Variants in CRISP1 observed in about 807,000 individuals in gnomAD.
CRISP1 encodes the protein cysteine-rich secretory protein 1.
Under a neutral mutation model 33.1 loss-of-function variants are expected in CRISP1, and 44 were observed. That is an observed-to-expected ratio of 1.33 (90% CI 1.05 to 1.71). The LOEUF (loss-of-function observed/expected upper bound fraction) is 1.71, where lower values mean the gene tolerates loss of function less well. Ranked by LOEUF, CRISP1 falls within the 40% of genes most tolerant of loss-of-function variation. The pLI, the probability that CRISP1 is intolerant of heterozygous loss-of-function variation, is 0.00. For missense variants in CRISP1, 390 were observed against 301.2 expected, an observed-to-expected ratio of 1.29 and a Z score of -2.18; for synonymous variants, 103 against 98.7, an observed-to-expected ratio of 1.04 and a Z score of -0.26.
At chr6:49,859,616 C>T (rs1771592266) in intron 1 of CRISP1, among the ~76,000 whole-genome samples, 2 of 151,874 alleles carry the variant, frequency 1.3e-5, no homozygotes, top group Non-Finnish European at 2.9e-5. Context: ...GTATTAAACC[C>T]ACTGGTAGAG....
At chr6:49,868,481 AT>A (rs1771850867), upstream of CRISP1, among the ~76,000 whole-genome samples, 1 of 152,194 alleles carries the variant, frequency 6.6e-6, no homozygotes, top group African/African-American at 2.4e-5. Context: ...GAATATATCC[AT>A]TTTTAAAAGA....
chr6:49,835,471 C>G (rs1005070898), intron 7 of CRISP1, 28 bp from the exon 8 acceptor site: 3 of 1,603,758 alleles, frequency 1.9e-6, no homozygotes, highest in Non-Finnish European at 2.6e-6. Flanking sequence ...GGTTTTACAA[C>G]ACAGTCTTTT....
chr6:49,857,340 T>C lies in CRISP1; in HGVS notation c.61A>G (p.Met21Val), dbSNP rs758721480. 6.2e-7 allele frequency: 1 copy of C among 1,612,806 alleles called. No homozygotes were observed. Among genetic ancestry groups the C allele is most frequent in the Non-Finnish European group, 8.5e-7 (1 of 1,179,112 alleles). The change falls in exon 2 of 8, where the codon ATG becomes GTG. Residue 21 changes from methionine to valine, a missense_variant. Physicochemically the swap from Met to Val is conservative, Grantham distance 21. Coordinates refer to ENST00000335847, the MANE Select transcript of CRISP1 (RefSeq NM_001131.3). ...AACATCCAACCCTCACATACTTTCA[T>C]GGACAACATAGGCAGTAAGCAAGCA... is the stretch of plus-strand genomic sequence containing the variant. ...AAACLLPMLSMKKKSARDQFN... is the reference protein window; with the variant it reads ...AAACLLPMLSVKKKSARDQFN...
upstream of CRISP1, among the ~76,000 whole-genome samples, chr6:49,870,598 G>A (rs72863152): frequency 0.016 from 2,384 of 152,192 alleles, 20 homozygotes; most frequent in Non-Finnish European, 0.025. Flanking sequence ...GGTCAAGAGA[G>A]CCTGTTAATA....
chr6:49,855,079 G>A (rs1482348699), intron 2 of CRISP1, among the ~76,000 whole-genome samples: 1 of 151,998 alleles, frequency 6.6e-6, no homozygotes, highest in African/African-American at 2.4e-5. Flanking sequence ...TTTCAGTGTA[G>A]AAATACTCTT....
At position 49,835,341 on chromosome 6, in the gene CRISP1, C is replaced by T. The variant is rs1383670271; in HGVS notation, c.725G>A (p.Cys242Tyr). The T allele has an allele frequency of 6.2e-7, 1 of 1,613,768 alleles. No homozygotes were observed. Residue 242 changes from cysteine to tyrosine, a missense_variant, in exon 8 of 8, where the codon TGT (cysteine) becomes TAT (tyrosine). Cys to Tyr is a radical substitution (Grantham distance 194). Transcript: ENST00000335847. ...CTATTTTATCTCAGTGTCACACAGA[C>T]AAGTGGCTTTACAGAATAGGATAGT... ...STTILFCKAT[C>Y]LCDTEIK
intron 5 of CRISP1, among the ~76,000 whole-genome samples, chr6:49,844,869 T>C (rs1771109442): frequency 6.6e-6 from 1 of 152,212 alleles, no homozygotes; most frequent in South Asian, 2.1e-4. Flanking sequence ...GGTTCACTCC[T>C]GGCGAGAAAT....
chr6:49,847,594 C>T (rs750991287), intron 4 of CRISP1, among the ~76,000 whole-genome samples: 17 of 152,112 alleles, frequency 1.1e-4, no homozygotes, highest in African/African-American at 4.1e-4. Context: ...CTGTACAGCC[C>T]GCAGAGTCAT....
chr6:49,874,934 C>T (rs755263743), intron 1 of CRISP1, among the ~76,000 whole-genome samples: 3 of 152,042 alleles, frequency 2.0e-5, no homozygotes, highest in Non-Finnish European at 2.9e-5. Context: ...CCATATATGA[C>T]GAACCCACAG....
intron 5 of CRISP1, among the ~76,000 whole-genome samples, chr6:49,843,346 A>C (rs2127470716): frequency 6.6e-6 from 1 of 152,296 alleles, no homozygotes; most frequent in African/African-American, 2.4e-5. Flanking sequence ...TTCTGCATTA[A>C]TTTCTGTGAT....
intron 2 of CRISP1, among the ~76,000 whole-genome samples, chr6:49,856,544 A>G (rs1193637477): frequency 6.6e-6 from 1 of 152,082 alleles, no homozygotes; most frequent in East Asian, 1.9e-4. Context: ...CCAAATACCA[A>G]ACCAACACCC....
At chr6:49,870,594 G>C (rs527265658), upstream of CRISP1, among the ~76,000 whole-genome samples, 1 of 152,304 alleles carries the variant, frequency 6.6e-6, no homozygotes, top group South Asian at 2.1e-4. Flanking sequence ...TCAAGGTCAA[G>C]AGAGCCTGTT....
chr6:49,872,014 C>A (rs1188500533), intron 1 of CRISP1, among the ~76,000 whole-genome samples: 11 of 152,198 alleles, frequency 7.2e-5, no homozygotes, highest in Admixed American at 2.6e-4. Context: ...ACAGTCCCAC[C>A]AACAGTGTAA....
At chr6:49,838,307 G>T (rs947322174) in intron 7 of CRISP1, 130 bp downstream of exon 7, 1 of 699,716 alleles carries the variant, frequency 1.4e-6, no homozygotes, top group Non-Finnish European at 2.4e-6. Flanking sequence ...GGGGTAAGCA[G>T]AAATAATTTG....
rs909241279 is a variant in CRISP1 at position 49,834,624 on chromosome 6, A to T, written c.*692T>A. 2.0e-5 allele frequency: 3 copies of T among 152,080 alleles called. No homozygotes were observed. Among genetic ancestry groups the T allele is most frequent in the East Asian group, 3.9e-4 (2 of 5,188 alleles). 9.4% of individuals were successfully genotyped at this position (152,080 alleles called of 1,614,324 possible). A position where few individuals can be genotyped will look rare whatever the true frequency, so the allele number is the denominator to read the frequency against. ...AATTTCTCATATTATGCTATTTTAT[A>T]TATCTTTTATACTGCCTTTGCAATG... On this transcript the variant is annotated 3_prime_UTR_variant, in exon 8 of 8. Coordinates refer to ENST00000335847, the MANE Select transcript of CRISP1 (RefSeq NM_001131.3).
In CRISP1 at chr6:49,852,104, T is replaced by C; in HGVS notation, c.92A>G (p.Asn31Ser). The C allele has an allele frequency of 1.2e-6, 2 of 1,613,060 alleles. No homozygotes were observed. Among genetic ancestry groups the C allele is most frequent in the Non-Finnish European group, 1.7e-6 (2 of 1,179,462 alleles). Reference sequence around the variant, plus strand: ...ATTTGGCAAGTCGGTGACGAGCTTATTAAATTGGTCTCTAGCTGATTTCTT... The same window carrying C: ...ATTTGGCAAGTCGGTGACGAGCTTACTAAATTGGTCTCTAGCTGATTTCTT... The part of the protein sequence containing the change: ...MKKKSARDQF[N>S]KLVTDLPNVQ... Residue 31 changes from asparagine to serine, a missense_variant, in exon 3 of 8, where the codon AAT becomes AGT. Physicochemically the swap from Asn to Ser is conservative, Grantham distance 46. Coordinates refer to ENST00000335847, the MANE Select transcript of CRISP1 (RefSeq NM_001131.3).
chr6:49,845,594 T>G (rs1771137842), intron 5 of CRISP1, among the ~76,000 whole-genome samples: 3 of 152,104 alleles, frequency 2.0e-5, no homozygotes, highest in African/African-American at 7.2e-5. Flanking sequence ...AAACACAGTA[T>G]TCACATATGA....
At chr6:49,856,345 T>G in intron 2 of CRISP1, among the ~76,000 whole-genome samples, 1 of 152,154 alleles carries the variant, frequency 6.6e-6, no homozygotes, top group East Asian at 1.9e-4. Flanking sequence ...AGCTTTTTCC[T>G]TATTATGAAG....
intron 1 of CRISP1, among the ~76,000 whole-genome samples, chr6:49,864,123 C>T (rs928280721): frequency 6.6e-6 from 1 of 152,014 alleles, no homozygotes; most frequent in Admixed American, 6.6e-5. Context: ...AGTTTTTAAA[C>T]TTTGAATAAG....
Sources: allele counts gnomAD v4.1 joint callset (sites outside exome capture counted in the v4.1 genomes callset), GRCh38; gene constraint gnomAD v4.1.1; transcripts MANE v1.5; gene names NCBI Gene and HGNC (gene_info 2026-07-23, HGNC 2026-07-21).